Variants in MED8 observed in about 807,000 individuals in gnomAD.
MED8 encodes mediator complex subunit 8.
MED8 carries 22 observed loss-of-function variants against 34.8 expected under a neutral mutation model. That is an observed-to-expected ratio of 0.63 (90% CI 0.45 to 0.90). The LOEUF is 0.90. Ranked by LOEUF, MED8 falls within the 40% of genes least tolerant of loss-of-function variation. The pLI, the probability that MED8 is intolerant of heterozygous loss-of-function variation, is 0.00. For synonymous variants in MED8, 105 were observed against 120.2 expected (o/e 0.87, Z 0.83); for missense variants, 260 against 326.3 (o/e 0.80, Z 1.57).
At chr1:43,385,304 G>A in intron 6 of MED8, 198 bp from the exon 7 acceptor site, 1 of 636,904 alleles carries the variant, frequency 1.6e-6, no homozygotes. Flanking sequence ...GGAAAGAAGT[G>A]ACATGGGAGA....
chr1:43,386,466 T>C lies in MED8; in HGVS notation c.493+123A>G, dbSNP rs1307329845. 1.7e-6 allele frequency: 2 copies of C among 1,175,184 alleles called. No individual in the cohort carries two copies. The highest frequency in any genetic ancestry group is 2.4e-6 in the Non-Finnish European group (2 of 826,712). The allele number at this position is 1,175,184 out of a possible 1,614,324, so 72.8% of individuals were successfully genotyped here. On this transcript the variant is annotated intron_variant, in intron 5 of 6. Coordinates refer to ENST00000372457, the MANE Select transcript of MED8 (RefSeq NM_201542.5). This position sits in a 1 kb window ranked among gnomAD's most constrained non-coding sequence, Gnocchi z 4.9. ...CCTTAAATACAAAAGGCTAACAGAA[T>C]GGATACAAACCCCAAAGCAGTTCAC... is the stretch of plus-strand genomic sequence containing the variant.
intron 2 of MED8, among the ~76,000 whole-genome samples, 185 bp downstream of exon 2, chr1:43,388,125 A>G (rs1647809804): frequency 6.6e-6 from 1 of 152,248 alleles, no homozygotes; most frequent in African/African-American, 2.4e-5. Flanking sequence ...GGGTTAGGAA[A>G]CTGAGCATTT....
intron 3 of MED8, among the ~76,000 whole-genome samples, chr1:43,387,296 TGGA>T (rs1317443295): frequency 1.3e-5 from 2 of 152,176 alleles, no homozygotes; most frequent in African/African-American, 2.4e-5. Context: ...AGACAGATGT[TGGA>T]GAAGAAAGGT....
chr1:43,387,675 GT>G (rs770693282), intron 2 of MED8, 28 bp from the exon 3 acceptor site: 1 of 1,612,060 alleles, frequency 6.2e-7, no homozygotes, highest in South Asian at 1.1e-5. Context: ...GTGTAAGAAT[GT>G]TGTACCCCTT....
Position 43,386,563 on chromosome 1 carries a change from C to T in MED8, c.493+26G>A, listed in dbSNP as rs1346621853. On this transcript the variant is annotated intron_variant, in intron 5 of 6. Transcript: ENST00000372457. This position sits in a 1 kb window ranked among gnomAD's most constrained non-coding sequence, Gnocchi z 4.9. ...AGTGATCTTATATACCTCTCCTTCT[C>T]TGTTTAGCCACCAGTCCCATCATAC... 1 of 1,599,960 alleles carries T rather than the reference C, an allele frequency of 6.3e-7. No homozygotes were observed. Among genetic ancestry groups the T allele is most frequent in the South Asian group, 1.1e-5 (1 of 88,746 alleles).
chr1:43,384,673 G>C lies in MED8; in HGVS notation c.*369C>G. ...TCACCATTGACGTGAGGCAGTATCA[G>C]ATTAGGGTAAGTTCTGGATCAAGGA... On this transcript the variant is annotated 3_prime_UTR_variant, in exon 7 of 7. Transcript: ENST00000372457. The C allele has an allele frequency of 6.8e-7, 1 of 1,462,380 alleles. No individual in the cohort carries two copies. Among genetic ancestry groups the C allele is most frequent in the Non-Finnish European group, 9.0e-7 (1 of 1,107,946 alleles). 90.6% of individuals were successfully genotyped at this position (1,462,380 alleles called of 1,614,324 possible).
In MED8 at chr1:43,386,289, G is replaced by A. The variant is rs563289794; in HGVS notation, c.494-63C>T. ...TGATGCAGGACTGAACGTGGCAGCT[G>A]GAAGACCAGTATGAGTGCCAGGGTT... On this transcript the variant is annotated intron_variant, in intron 5 of 6. Coordinates refer to ENST00000372457, the MANE Select transcript of MED8 (RefSeq NM_201542.5). This position sits in a 1 kb window ranked among gnomAD's most constrained non-coding sequence, Gnocchi z 4.9. 3.2e-5 allele frequency: 50 copies of A among 1,564,696 alleles called. No homozygotes were observed. Among genetic ancestry groups the A allele is most frequent in the African/African-American group, 1.1e-4 (8 of 74,244 alleles).
At position 43,384,662 on chromosome 1, in the gene MED8, A is replaced by G; in HGVS notation, c.*380T>C. On this transcript the variant is annotated 3_prime_UTR_variant, in exon 7 of 7. Coordinates refer to ENST00000372457, the MANE Select transcript of MED8 (RefSeq NM_201542.5). ...TGTCCATCAGCTCACCATTGACGTG[A>G]GGCAGTATCAGATTAGGGTAAGTTC... The G allele has an allele frequency of 3.4e-6, 5 of 1,467,742 alleles. No individual in the cohort carries two copies. Among genetic ancestry groups the G allele is most frequent in the South Asian group, 2.9e-5 (2 of 69,124 alleles). 90.9% of individuals were successfully genotyped at this position (1,467,742 alleles called of 1,614,324 possible).
In MED8 at chr1:43,384,417, C is replaced by G. The variant is rs1647651570; in HGVS notation, c.*625G>C. 1.3e-6 allele frequency: 2 copies of G among 1,564,186 alleles called. No homozygotes were observed. The highest frequency in any genetic ancestry group is 3.9e-5 in the Admixed American group (2 of 51,190). On this transcript the variant is annotated 3_prime_UTR_variant, in exon 7 of 7. Transcript: ENST00000372457. ...TGACAGGTAAAAGCCAAGTTGGCTC[C>G]TTAGAGGATGGAAAGGAGAGCAGGC...
rs201254456 is a variant in MED8, at chr1:43,384,595, G to A, written c.*447C>T. ...CTCTAAGAACACAGAGGTTGCTACA[G>A]TTTCTGGCAGCACAAAATAAGCATA... is the stretch of plus-strand genomic sequence containing the variant. On this transcript the variant is annotated 3_prime_UTR_variant, in exon 7 of 7. Coordinates refer to ENST00000372457, the MANE Select transcript of MED8 (RefSeq NM_201542.5). The A allele has an allele frequency of 1.5e-5, 23 of 1,554,844 alleles. No individual in the cohort carries two copies. In the East Asian group the frequency reaches 4.5e-4, roughly 30 times the overall value.
chr1:43,387,589 C>T lies in MED8; in HGVS notation c.184G>A (p.Val62Ile). ...AGCGGTGTTTTTTCATGCTTCAAGA[C>T]CTTGTTCAGAGTGTTCAGCTGTCCA... is the stretch of plus-strand genomic sequence containing the variant. ...LSGQLNTLNK[V>I]LKHEKTPLFR... Residue 62 changes from valine to isoleucine, a missense_variant, in exon 3 of 7, where the codon GTC (valine) becomes ATC (isoleucine). Coordinates refer to ENST00000372457, the MANE Select transcript of MED8 (RefSeq NM_201542.5). 1 of 1,613,962 alleles carries T rather than the reference C, an allele frequency of 6.2e-7. No individual in the cohort carries two copies. The highest frequency in any genetic ancestry group is 8.5e-7 in the Non-Finnish European group (1 of 1,179,888).
rs1647670011 is a variant in MED8, at chr1:43,384,763, T to G, written c.*279A>C. 3 of 1,424,626 alleles carry G rather than the reference T, an allele frequency of 2.1e-6. No homozygotes were observed. The highest frequency in any genetic ancestry group is 2.6e-4 in the Middle Eastern group (1 of 3,870). 88.2% of individuals were successfully genotyped at this position (1,424,626 alleles called of 1,614,324 possible). On this transcript the variant is annotated 3_prime_UTR_variant, in exon 7 of 7. Coordinates refer to ENST00000372457, the MANE Select transcript of MED8 (RefSeq NM_201542.5). ...CATTTATTGAATACCCATTATTTCA[T>G]ATACTGTACTAAGTGCTTTACATTC... is the stretch of plus-strand genomic sequence containing the variant.
chr1:43,384,310 T>G lies in MED8; in HGVS notation c.*732A>C. The G allele has an allele frequency of 9.2e-7, 1 of 1,092,530 alleles. No individual in the cohort carries two copies. The highest frequency in any genetic ancestry group is 1.3e-6 in the Non-Finnish European group (1 of 788,320). 67.7% of individuals were successfully genotyped at this position (1,092,530 alleles called of 1,614,324 possible). A position where few individuals can be genotyped will look rare whatever the true frequency, so the allele number is the denominator to read the frequency against. ...TGCTAAGGAAAAACCCTTTCCCACATAGTCCTGCCTGGCAGAGCCACTTCC... is the reference window on the plus strand; with the variant it reads ...TGCTAAGGAAAAACCCTTTCCCACAGAGTCCTGCCTGGCAGAGCCACTTCC... On this transcript the variant is annotated 3_prime_UTR_variant, in exon 7 of 7. Coordinates refer to ENST00000372457, the MANE Select transcript of MED8 (RefSeq NM_201542.5).
chr1:43,387,758 C>T (rs969528652), intron 2 of MED8, 111 bp from the exon 3 acceptor site: 2 of 1,237,906 alleles, frequency 1.6e-6, no homozygotes, highest in African/African-American at 1.5e-5. Flanking sequence ...CTCCAAAAGT[C>T]TCATAGCCCT....
chr1:43,384,818 C>T lies in MED8; in HGVS notation c.*224G>A. 7.2e-7 allele frequency: 1 copy of T among 1,380,472 alleles called. No homozygotes were observed. Among genetic ancestry groups the T allele is most frequent in the Non-Finnish European group, 9.5e-7 (1 of 1,053,854 alleles). 85.5% of individuals were successfully genotyped at this position (1,380,472 alleles called of 1,614,324 possible). On this transcript the variant is annotated 3_prime_UTR_variant, in exon 7 of 7. Transcript: ENST00000372457. ...CCTCATTTTAATCCTCACAACAACC[C>T]TATGAGGTAGGTATTATCACCATTT...
rs945086497 is a variant in MED8, at chr1:43,384,860, C to G, written c.*182G>C. ...TCACCATTTACAAATGAGAAACAGG[C>G]TCAGAAAAATTAGGTCACTTGTCCA... On this transcript the variant is annotated 3_prime_UTR_variant, in exon 7 of 7. Coordinates refer to ENST00000372457, the MANE Select transcript of MED8 (RefSeq NM_201542.5). The G allele has an allele frequency of 1.6e-5, 23 of 1,394,178 alleles. No individual in the cohort carries two copies. The highest frequency in any genetic ancestry group is 3.1e-5 in the Admixed American group (1 of 32,384). The allele number at this position is 1,394,178 out of a possible 1,614,324, so 86.4% of individuals were successfully genotyped here. A position where few individuals can be genotyped will look rare whatever the true frequency, so the allele number is the denominator to read the frequency against.
At position 43,386,774 on chromosome 1, in the gene MED8, GTATCCCT is replaced by G; in HGVS notation, c.411+77_411+83del. 6.2e-7 allele frequency: 1 copy of G among 1,602,832 alleles called. No individual in the cohort carries two copies. Among genetic ancestry groups the G allele is most frequent in the Non-Finnish European group, 8.5e-7 (1 of 1,173,544 alleles). ...AAGCAACTTAGGCGCAACCAACTAT[GTATCCCT>G]ACTAGACAGGAATGGTAATGCCTAG... is the stretch of plus-strand genomic sequence containing the variant. On this transcript the variant is annotated intron_variant, in intron 4 of 6. Transcript: ENST00000372457. This position sits in a 1 kb window ranked among gnomAD's most constrained non-coding sequence, Gnocchi z 4.9.
intron 3 of MED8, 133 bp downstream of exon 3, chr1:43,387,370 C>T (rs1647770986): frequency 4.9e-6 from 6 of 1,221,946 alleles, no homozygotes; most frequent in Non-Finnish European, 5.7e-6. Flanking sequence ...GGCTCTCCCG[C>T]CTTCAGAAGA....
At position 43,388,438 on chromosome 1, in the gene MED8, T is replaced by G; in HGVS notation, c.7-10A>C. ...GCTGCTTCTCCTCTCTCTGCACCAA[T>G]AGGAACAGGTTGGTCACCCAGATAA... is the stretch of plus-strand genomic sequence containing the variant. On this transcript the variant is annotated splice_polypyrimidine_tract_variant and intron_variant, in intron 1 of 6. Coordinates refer to ENST00000372457, the MANE Select transcript of MED8 (RefSeq NM_201542.5). 6.2e-7 allele frequency: 1 copy of G among 1,612,820 alleles called. No individual in the cohort carries two copies. The highest frequency in any genetic ancestry group is 1.3e-5 in the African/African-American group (1 of 75,014).
Sources: gnomAD v4.1 joint callset for allele counts (sites outside exome capture counted in the v4.1 genomes callset) on GRCh38, gnomAD v4.1.1 for gene constraint, Gnocchi (gnomAD v3.1) non-coding constraint, MANE v1.5 for transcripts, NCBI Gene and HGNC (gene_info 2026-07-23, HGNC 2026-07-21) for gene names.